UBE4A: variants seen among roughly 807,000 people sequenced by gnomAD.
UBE4A encodes the protein ubiquitination factor E4A.
In UBE4A, 48 loss-of-function variants were observed where a neutral mutation model predicts 117.9. That is an observed-to-expected ratio of 0.41 (90% CI 0.32 to 0.52). The LOEUF is 0.52. Ranked by LOEUF, UBE4A falls within the 20% of genes least tolerant of loss-of-function variation. The pLI is 0.33. For missense variants in UBE4A, 1,067 were observed against 1,296.3 expected, an observed-to-expected ratio of 0.82 and a Z score of 2.72; for synonymous variants, 407 against 450.0, an observed-to-expected ratio of 0.90 and a Z score of 1.21.
intron 1 of UBE4A, among the ~76,000 whole-genome samples, chr11:118,363,951 A>G (rs528950883): frequency 1.3e-5 from 2 of 152,160 alleles, no homozygotes; most frequent in South Asian, 4.1e-4. Context: ...TCCTGTGAGG[A>G]GTCTTGCCTC....
chr11:118,389,728 T>G lies in UBE4A; in HGVS notation c.2591T>G (p.Ile864Ser). ...IGTLAFLTSE[I>S]KSLFVHPFLA... The stretch of plus-strand genomic sequence containing the variant: ...GAGACTTTGGATTCTTTTCCAGAGA[T>G]CAAGTCACTCTTTGTGCATCCCTTC... Residue 864 changes from isoleucine (I) to serine (S), a missense_variant, in exon 17 of 20, where the codon ATC (isoleucine) becomes AGC (serine). Ile to Ser is a moderately radical substitution (Grantham distance 142). This residue lies in a region of UBE4A where 1,001 missense variants were observed against 1,184.0 expected (regional missense o/e 0.85). Coordinates refer to ENST00000252108, the MANE Select transcript of UBE4A (RefSeq NM_001204077.2). 6.3e-7 allele frequency: 1 copy of G among 1,596,906 alleles called. No individual in the cohort carries two copies.
chr11:118,396,487 A>G lies in UBE4A; in HGVS notation c.*47A>G. Reference sequence around the variant, plus strand: ...AAAACCAACCCCAGAGTGCAGATAAACAATTGTTTGTGGTTTCTCTCTTTC... The same window carrying G: ...AAAACCAACCCCAGAGTGCAGATAAGCAATTGTTTGTGGTTTCTCTCTTTC... On this transcript the variant is annotated 3_prime_UTR_variant, in exon 20 of 20. Coordinates refer to ENST00000252108, the MANE Select transcript of UBE4A (RefSeq NM_001204077.2). The G allele has an allele frequency of 6.3e-7, 1 of 1,578,682 alleles. No homozygotes were observed. The highest frequency in any genetic ancestry group is 2.4e-5 in the East Asian group (1 of 42,018).
In UBE4A at chr11:118,368,776, A is replaced by G; in HGVS notation, c.267A>G (p.Gln89=). ...CEQLNINHMI[Q]RIFLITLDNS... is the part of the protein sequence containing the mutation. The stretch of plus-strand genomic sequence containing the variant: ...AACTCAACATCAATCACATGATCCA[A>G]AGGATCTTCCTTATTACTCTGGACA... Residue 89 remains glutamine, a synonymous_variant, in exon 3 of 20, where the codon CAA becomes CAG. Coordinates refer to ENST00000252108, the MANE Select transcript of UBE4A (RefSeq NM_001204077.2). 6.2e-7 allele frequency: 1 copy of G among 1,614,206 alleles called. No homozygotes were observed. Among genetic ancestry groups the G allele is most frequent in the South Asian group, 1.1e-5 (1 of 91,078 alleles).
intron 1 of UBE4A, among the ~76,000 whole-genome samples, chr11:118,363,400 A>G (rs902195249): frequency 2.0e-5 from 3 of 152,028 alleles, no homozygotes; most frequent in Non-Finnish European, 4.4e-5. Context: ...ATAACAGTTC[A>G]ATTCCTTGAA....
rs544224259 is a variant in UBE4A, at chr11:118,385,786, C to G, written c.2413-652C>G. Among the ~76,000 whole-genome samples the G allele has an allele frequency of 2.0e-5, 3 of 152,292 alleles. No homozygotes were observed. The South Asian group carries it at 6.2e-4, about 32-fold the overall frequency. On this transcript the variant is annotated intron_variant, in intron 15 of 19. Transcript: ENST00000252108. ...GTTTAATTTGTGAGAAAGGTTTGAT[C>G]TGATTTCTTCATAATCCTACGCTTT...
chr11:118,376,976 C>T (rs541181475), intron 10 of UBE4A, among the ~76,000 whole-genome samples: 5 of 151,752 alleles, frequency 3.3e-5, no homozygotes, highest in Non-Finnish European at 7.4e-5. Flanking sequence ...TTGCTCTAGC[C>T]GAAGAGTTGG....
chr11:118,396,554 T>TC lies in UBE4A; in HGVS notation c.*114_*115insC. On this transcript the variant is annotated 3_prime_UTR_variant, in exon 20 of 20. Coordinates refer to ENST00000252108, the MANE Select transcript of UBE4A (RefSeq NM_001204077.2). Reference sequence around the variant, plus strand: ...CTTTCTTCTTTTCTTTTTCTTTTTTTTTTTTTTTTTTACTAAATTAGAGAA... The same window carrying TC: ...CTTTCTTCTTTTCTTTTTCTTTTTTTCTTTTTTTTTTTACTAAATTAGAGAA... 7.6e-7 allele frequency: 1 copy of TC among 1,309,086 alleles called. No individual in the cohort carries two copies. Among genetic ancestry groups the TC allele is most frequent in the East Asian group, 3.0e-5 (1 of 33,838 alleles). 81.1% of individuals were successfully genotyped at this position (1,309,086 alleles called of 1,614,324 possible).
Position 118,392,638 on chromosome 11 carries a change from TG to T in UBE4A, c.2917-99del. 2.5e-6 allele frequency: 3 copies of T among 1,187,474 alleles called. No homozygotes were observed. The South Asian group carries it at 4.5e-5, about 18-fold the overall frequency. The allele number at this position is 1,187,474 out of a possible 1,614,324, so 73.6% of individuals were successfully genotyped here. The stretch of plus-strand genomic sequence containing the variant: ...TCACTGTCAAGGGTTATTAATGACC[TG>T]TTTTTTTATTTTTGAGATGGAGTCT... On this transcript the variant is annotated intron_variant, in intron 18 of 19. Coordinates refer to ENST00000252108, the MANE Select transcript of UBE4A (RefSeq NM_001204077.2).
At chr11:118,363,367 C>T (rs1948535297) in intron 1 of UBE4A, among the ~76,000 whole-genome samples, 1 of 152,068 alleles carries the variant, frequency 6.6e-6, no homozygotes, top group South Asian at 2.1e-4. Context: ...CATGGTGATA[C>T]CCCGTCTCTA....
chr11:118,392,661 G>A (rs1343755262), intron 18 of UBE4A, 77 bp from the exon 19 acceptor site: 3 of 1,418,976 alleles, frequency 2.1e-6, no homozygotes, highest in Admixed American at 2.0e-5. Flanking sequence ...TTGAGATGGA[G>A]TCTTGCTCTG....
chr11:118,397,068 CTT>C lies in UBE4A; in HGVS notation c.*629_*630del, dbSNP rs1182098805. The C allele has an allele frequency of 2.6e-5, 4 of 152,162 alleles. No individual in the cohort carries two copies. Among genetic ancestry groups the C allele is most frequent in the African/African-American group, 9.7e-5 (4 of 41,356 alleles). 9.4% of individuals were successfully genotyped at this position (152,162 alleles called of 1,614,324 possible). Reference sequence around the variant, plus strand: ...TCTTGTGCAACTTCTGTTGATAGCTCTTAATTTTGTTATACAGTCTTTTTAAT... The same window carrying C: ...TCTTGTGCAACTTCTGTTGATAGCTCAATTTTGTTATACAGTCTTTTTAAT... On this transcript the variant is annotated 3_prime_UTR_variant, in exon 20 of 20. Coordinates refer to ENST00000252108, the MANE Select transcript of UBE4A (RefSeq NM_001204077.2).
chr11:118,369,447 A>G lies in UBE4A; in HGVS notation c.320A>G (p.Asn107Ser). 1 of 1,614,166 alleles carries G rather than the reference A, an allele frequency of 6.2e-7. No individual in the cohort carries two copies. The highest frequency in any genetic ancestry group is 8.5e-7 in the Non-Finnish European group (1 of 1,179,994). Reference sequence around the variant, plus strand: ...GGTGATCCCAGCTTGAAAAGCGGGAATGGCATCCCTAGCCGTTGTGTGTAT... The same window carrying G: ...GGTGATCCCAGCTTGAAAAGCGGGAGTGGCATCCCTAGCCGTTGTGTGTAT... ...DNSDPSLKSG[N>S]GIPSRCVYLE... Residue 107 changes from asparagine to serine, a missense_variant, in exon 4 of 20, where the codon AAT becomes AGT. Physicochemically the swap from Asn to Ser is conservative, Grantham distance 46. This residue lies in a region of UBE4A where 1,001 missense variants were observed against 1,184.0 expected (regional missense o/e 0.85). Transcript: ENST00000252108.
rs530540341 is a variant in UBE4A, at chr11:118,385,088, A to C, written c.2412+143A>C. On this transcript the variant is annotated intron_variant, in intron 15 of 19. Transcript: ENST00000252108. ...TGAACACCAAAAATTTGTGATTAGT[A>C]GTGTACCACCAAGCTTGTCATTATA... 8.0e-5 allele frequency: 54 copies of C among 673,812 alleles called. No individual in the cohort carries two copies. In the African/African-American group the frequency reaches 8.9e-4, roughly 11 times the overall value. The allele number at this position is 673,812 out of a possible 1,614,324, so 41.7% of individuals were successfully genotyped here.
Position 118,368,815 on chromosome 11 carries a change from A to G in UBE4A, c.295+11A>G, listed in dbSNP as rs773255500. 2.5e-6 allele frequency: 4 copies of G among 1,613,652 alleles called. No individual in the cohort carries two copies. Among genetic ancestry groups the G allele is most frequent in the African/African-American group, 1.3e-5 (1 of 75,038 alleles). On this transcript the variant is annotated intron_variant, in intron 3 of 19. Transcript: ENST00000252108. The stretch of plus-strand genomic sequence containing the variant: ...TTACTCTGGACAACAGTGAGTTACA[A>G]ACTTATAGCATTATTCTACCCTTCC...
At chr11:118,363,153 A>T (rs545869229) in intron 1 of UBE4A, among the ~76,000 whole-genome samples, 7 of 152,280 alleles carry the variant, frequency 4.6e-5, no homozygotes, top group African/African-American at 1.4e-4. Flanking sequence ...CGGTAATTAC[A>T]TGGGGAAAAT....
At chr11:118,377,910 C>T (rs1948667435) in intron 10 of UBE4A, among the ~76,000 whole-genome samples, 1 of 129,122 alleles carries the variant, frequency 7.7e-6, no homozygotes, top group Admixed American at 7.7e-5. Context: ...GAAACCCTGT[C>T]TCAAAAAAAA....
chr11:118,368,556 A>T, intron 2 of UBE4A, 75 bp from the exon 3 acceptor site: 1 of 1,460,834 alleles, frequency 6.8e-7, no homozygotes, highest in Non-Finnish European at 9.4e-7. Context: ...TCTTGGTTAC[A>T]TTTATTATTT....
Position 118,382,646 on chromosome 11 carries a change from C to A in UBE4A, c.2067C>A (p.Pro689=). The part of the protein sequence containing the change: ...KLAEVLEAVM[P]HLDQTPNPLV... ...CAGAGGTGTTGGAAGCAGTGATGCC[C>A]CACCTGGATCAGACCCCAAATCCCT... The change falls in exon 13 of 20, where the codon CCC becomes CCA. Residue 689 remains proline (P), a synonymous_variant. Coordinates refer to ENST00000252108, the MANE Select transcript of UBE4A (RefSeq NM_001204077.2). 6.3e-7 allele frequency: 1 copy of A among 1,597,136 alleles called. No homozygotes were observed. The highest frequency in any genetic ancestry group is 1.1e-5 in the South Asian group (1 of 88,218).
At chr11:118,393,455 C>T (rs962531115) in intron 19 of UBE4A, among the ~76,000 whole-genome samples, 5 of 152,158 alleles carry the variant, frequency 3.3e-5, no homozygotes, top group Middle Eastern at 3.4e-3. Context: ...TGCACTAACA[C>T]GCCCAACTAA....
Sources: allele counts gnomAD v4.1 joint callset (sites outside exome capture counted in the v4.1 genomes callset), GRCh38; gene constraint gnomAD v4.1.1; regional missense constraint gnomAD v4.1.1; transcripts MANE v1.5; gene names NCBI Gene and HGNC (gene_info 2026-07-23, HGNC 2026-07-21).